The following EXT1 variants were observed in gnomAD, a reference collection of about 807,000 sequenced individuals.
EXT1 encodes exostosin-1.
EXT1 carries 20 observed loss-of-function variants against 82.5 expected under a neutral mutation model. The ratio of observed to expected loss-of-function variants is 0.24; its 90% CI spans 0.17 to 0.35. EXT1 has a LOEUF of 0.35. Ranked by LOEUF, EXT1 falls within the 10% of genes least tolerant of loss-of-function variation. EXT1 has a pLI of 1.00. For missense variants in EXT1, 757 were observed against 936.5 expected, an observed-to-expected ratio of 0.81 and a Z score of 2.50; for synonymous variants, 348 against 350.8, an observed-to-expected ratio of 0.99 and a Z score of 0.09.
chr8:117,999,346 C>T (rs1267996741), intron 1 of EXT1, among the ~76,000 whole-genome samples: 1 of 152,174 alleles, frequency 6.6e-6, no homozygotes, highest in Non-Finnish European at 1.5e-5. Context: ...ATTATAGAGA[C>T]TAGAATTGCA....
chr8:118,109,932 C>T (rs1817863505), intron 1 of EXT1, among the ~76,000 whole-genome samples, 153 bp downstream of exon 1: 1 of 152,186 alleles, frequency 6.6e-6, no homozygotes, highest in South Asian at 2.1e-4. Context: ...CCTCTAGCTG[C>T]ACACCCGAAC....
intron 1 of EXT1, among the ~76,000 whole-genome samples, chr8:117,891,805 CT>C (rs33967253): frequency 0.047 from 5,633 of 120,956 alleles, 340 homozygotes; most frequent in African/African-American, 0.16. Flanking sequence ...TTTTTTCTTG[CT>C]TTTTTTTTTT....
intron 1 of EXT1, among the ~76,000 whole-genome samples, chr8:117,918,719 T>C (rs1186761131): frequency 6.6e-6 from 1 of 152,304 alleles, no homozygotes; most frequent in Middle Eastern, 3.4e-3. Flanking sequence ...CCCACTGAGC[T>C]ACCAGCCGAA....
At chr8:117,885,349 CA>C (rs1175898195) in intron 1 of EXT1, among the ~76,000 whole-genome samples, 8 of 151,922 alleles carry the variant, frequency 5.3e-5, no homozygotes, top group Admixed American at 1.3e-4. Context: ...GTAAATTTAA[CA>C]GCAAAATCAA....
rs1817886276 is a variant in EXT1 at position 118,110,809 on chromosome 8, T to C, written c.238A>G (p.Ile80Val). ...GCATCTCGCTTCTGCCGGGGGGAAA[T>C]GTGCACGCTGGAATCCTCGTTTTCC... ...QLENEDSSVH[I>V]SPRQKRDANS... Residue 80 changes from isoleucine (I) to valine (V), a missense_variant, in exon 1 of 11, where the codon ATT becomes GTT. Around this residue, in one of 4 missense-constraint regions of EXT1, gnomAD observed 175 missense variants for 159.0 expected, o/e 1.10. Transcript: ENST00000378204. 4.3e-6 allele frequency: 7 copies of C among 1,613,026 alleles called. No homozygotes were observed. In the Admixed American group the frequency reaches 1.0e-4, roughly 23 times the overall value.
At chr8:118,046,716 T>C (rs1216396156) in intron 1 of EXT1, among the ~76,000 whole-genome samples, 1 of 152,230 alleles carries the variant, frequency 6.6e-6, no homozygotes, top group Admixed American at 6.5e-5. Context: ...GGTCTAGTTT[T>C]ATTAATCTGT....
At chr8:117,976,425 A>C (rs557976782) in intron 1 of EXT1, among the ~76,000 whole-genome samples, 14 of 152,370 alleles carry the variant, frequency 9.2e-5, no homozygotes, top group Admixed American at 5.2e-4. Context: ...TCATAAAACG[A>C]ATACTGCTAG....
At chr8:118,015,670 G>A (rs147519267) in intron 1 of EXT1, among the ~76,000 whole-genome samples, 1 of 152,194 alleles carries the variant, frequency 6.6e-6, no homozygotes, top group Non-Finnish European at 1.5e-5. Context: ...CTAAGAAGGG[G>A]GTAATGCAGA....
In EXT1 at chr8:118,026,203, T is replaced by C. The variant is rs1468341680; in HGVS notation, c.962+83882A>G. On this transcript the variant is annotated intron_variant, in intron 1 of 10. Transcript: ENST00000378204. ...CACGGCACCTACTGAGCCAGTCATCTAGCTCACAAATAATGACATCACTCC... is the reference window on the plus strand; with the variant it reads ...CACGGCACCTACTGAGCCAGTCATCCAGCTCACAAATAATGACATCACTCC... 2.0e-5 allele frequency among the ~76,000 whole-genome samples: 3 copies of C among 152,216 alleles called. No individual in the cohort carries two copies. In the East Asian group the frequency reaches 5.8e-4, roughly 29 times the overall value.
intron 1 of EXT1, among the ~76,000 whole-genome samples, chr8:118,057,366 C>A (rs961475520): frequency 1.3e-5 from 2 of 151,424 alleles, no homozygotes; most frequent in African/African-American, 4.9e-5. Flanking sequence ...ATGGTGAAAC[C>A]CCAACTCTAC....
At chr8:117,951,222 T>C (rs1047224473) in intron 1 of EXT1, among the ~76,000 whole-genome samples, 3 of 152,160 alleles carry the variant, frequency 2.0e-5, no homozygotes, top group East Asian at 1.9e-4. Context: ...CAGGAGTCAA[T>C]AGGAATGGAA....
At chr8:117,921,091 G>A (rs1239007592) in intron 1 of EXT1, among the ~76,000 whole-genome samples, 1 of 152,158 alleles carries the variant, frequency 6.6e-6, no homozygotes, top group Non-Finnish European at 1.5e-5. Context: ...TTTCAAAAAT[G>A]CATTACAGCT....
chr8:117,831,705 C>T, intron 3 of EXT1: 1 of 470,504 alleles, frequency 2.1e-6, no homozygotes, highest in Non-Finnish European at 4.4e-6. Flanking sequence ...GAAAGTCACC[C>T]ATGGCATTTG....
At chr8:117,840,669 G>T (rs1812261336) in intron 1 of EXT1, among the ~76,000 whole-genome samples, 1 of 150,132 alleles carries the variant, frequency 6.7e-6, no homozygotes, top group Admixed American at 6.6e-5. Context: ...TATATGATAA[G>T]GGACTTTCAT....
intron 3 of EXT1, 69 bp downstream of exon 3, chr8:117,835,372 ATCT>A: frequency 1.7e-6 from 2 of 1,143,270 alleles, no homozygotes; most frequent in South Asian, 1.2e-5. Context: ...TTTTGGATTC[ATCT>A]TCTTTGAAAG....
At chr8:117,873,414 G>C (rs1442463800) in intron 1 of EXT1, among the ~76,000 whole-genome samples, 4 of 147,886 alleles carry the variant, frequency 2.7e-5, no homozygotes, top group African/African-American at 5.0e-5. Flanking sequence ...GAGAAAATTA[G>C]CAAGTATGGT....
chr8:117,840,697 C>T (rs1011885693), intron 1 of EXT1, among the ~76,000 whole-genome samples: 8 of 150,284 alleles, frequency 5.3e-5, no homozygotes, highest in Non-Finnish European at 1.0e-4. Context: ...ACATAAAGAA[C>T]TCTTCTGACT....
chr8:117,898,985 G>A (rs1813394343), intron 1 of EXT1, among the ~76,000 whole-genome samples: 1 of 151,650 alleles, frequency 6.6e-6, no homozygotes, highest in African/African-American at 2.4e-5. Context: ...TAAATCTGAA[G>A]CTGGTGAAAA....
rs111450531 is a variant in EXT1, at chr8:117,875,764, G to A, written c.963-38563C>T. On this transcript the variant is annotated intron_variant, in intron 1 of 10. Transcript: ENST00000378204. ...AGGACAGAGAAGAATATAAAGAAAA[G>A]CTGAAAAAACATAGATCAGGCCCCA... Among the ~76,000 whole-genome samples, 27 of 152,256 alleles carry A rather than the reference G, an allele frequency of 1.8e-4. No homozygotes were observed. In the South Asian group the frequency reaches 2.3e-3, roughly 13 times the overall value.
Sources: gnomAD v4.1 joint callset for allele counts (sites outside exome capture counted in the v4.1 genomes callset) on GRCh38, gnomAD v4.1.1 for gene constraint, gnomAD v4.1.1 regional missense constraint, MANE v1.5 for transcripts, NCBI Gene and HGNC (gene_info 2026-07-23, HGNC 2026-07-21) for gene names.